Variants in EPB41L4A observed in about 807,000 individuals in gnomAD.
EPB41L4A encodes the protein erythrocyte membrane protein band 4.1 like 4A.
EPB41L4A carries 100 observed loss-of-function variants against 108.6 expected under a neutral mutation model. That is an observed-to-expected ratio of 0.92 (90% confidence interval 0.78 to 1.09). EPB41L4A has a LOEUF of 1.09. Ranked by LOEUF, EPB41L4A falls within the 50% of genes least tolerant of loss-of-function variation. EPB41L4A has a pLI of 0.00. For synonymous variants in EPB41L4A, 319 were observed against 289.0 expected (o/e 1.10, Z -1.05); for missense variants, 1,030 against 842.7 (o/e 1.22, Z -2.75).
intron 1 of EPB41L4A, among the ~76,000 whole-genome samples, chr5:112,349,694 G>A (rs1757916913): frequency 6.6e-6 from 1 of 152,210 alleles, no homozygotes; most frequent in Admixed American, 6.5e-5. Flanking sequence ...TGGGTGTGGT[G>A]AGAAAAAGAA....
At chr5:112,288,801 C>T (rs1407749130) in intron 2 of EPB41L4A, among the ~76,000 whole-genome samples, 1 of 151,350 alleles carries the variant, frequency 6.6e-6, no homozygotes, top group African/African-American at 2.4e-5. Flanking sequence ...GGAAAATGTT[C>T]GAAGAGTCTG....
intron 13 of EPB41L4A, among the ~76,000 whole-genome samples, chr5:112,145,418 C>G (rs913700016): frequency 6.6e-6 from 1 of 152,128 alleles, no homozygotes. Flanking sequence ...TAAATGAATG[C>G]TATTTGAGAT....
At chr5:112,178,315 C>A (rs1325062050) in intron 18 of EPB41L4A, among the ~76,000 whole-genome samples, 1 of 152,040 alleles carries the variant, frequency 6.6e-6, no homozygotes, top group African/African-American at 2.4e-5. Context: ...GAAGTAAAAA[C>A]TGACAGAATT....
intron 17 of EPB41L4A, among the ~76,000 whole-genome samples, chr5:112,191,635 G>A (rs1761703391): frequency 1.3e-5 from 2 of 151,398 alleles, no homozygotes; most frequent in Non-Finnish European, 2.9e-5. Context: ...TATTTCCATG[G>A]AGTGGCCTCA....
At chr5:112,241,962 A>C (rs935053365) in intron 9 of EPB41L4A, among the ~76,000 whole-genome samples, 4 of 152,240 alleles carry the variant, frequency 2.6e-5, no homozygotes, top group Admixed American at 2.6e-4. Flanking sequence ...ATAATTTAAA[A>C]ATACTTCATT....
chr5:112,338,268 C>T (rs1219060104), intron 1 of EPB41L4A, among the ~76,000 whole-genome samples: 1 of 152,136 alleles, frequency 6.6e-6, no homozygotes, highest in African/African-American at 2.4e-5. Context: ...GCTACCTTCC[C>T]ATAGCAGATC....
intron 2 of EPB41L4A, among the ~76,000 whole-genome samples, chr5:112,281,731 G>A (rs1416046626): frequency 6.6e-6 from 1 of 152,174 alleles, no homozygotes; most frequent in Non-Finnish European, 1.5e-5. Context: ...GCTATGTAAC[G>A]GTAGCAATAA....
chr5:112,359,068 C>G (rs1027075172), intron 1 of EPB41L4A, among the ~76,000 whole-genome samples: 1 of 152,170 alleles, frequency 6.6e-6, no homozygotes, highest in Non-Finnish European at 1.5e-5. Flanking sequence ...AAGGGAACTT[C>G]CTGGAGTACT....
intron 12 of EPB41L4A, among the ~76,000 whole-genome samples, chr5:112,225,680 C>T (rs1014870714): frequency 1.3e-5 from 2 of 152,174 alleles, no homozygotes; most frequent in Non-Finnish European, 2.9e-5. Context: ...GCATACTTTC[C>T]CACCCAATTT....
chr5:112,203,682 A>C (rs1762325370), intron 15 of EPB41L4A, among the ~76,000 whole-genome samples: 1 of 152,202 alleles, frequency 6.6e-6, no homozygotes, highest in Non-Finnish European at 1.5e-5. Flanking sequence ...TCAGCTAAAA[A>C]GGCTTATCTT....
chr5:112,155,752 T>G (rs748795762), intron 12 of EPB41L4A, among the ~76,000 whole-genome samples: 1 of 152,206 alleles, frequency 6.6e-6, no homozygotes, highest in Admixed American at 6.5e-5. Context: ...ACTATATTAT[T>G]TGGGGGCCAG....
chr5:112,249,772 C>A (rs535089106), intron 9 of EPB41L4A: 2 of 152,296 alleles, frequency 1.3e-5, no homozygotes, highest in East Asian at 3.9e-4. Flanking sequence ...TTTCTTACAA[C>A]ACTAAGGTCT....
chr5:112,194,431 T>G (rs1761859104), intron 17 of EPB41L4A, 137 bp downstream of exon 17: 1 of 544,136 alleles, frequency 1.8e-6, no homozygotes. Context: ...TTTCCTAAAC[T>G]AAGTGCTTCA....
chr5:112,262,458 G>C (rs991252304), intron 7 of EPB41L4A, 36 bp downstream of exon 7: 4 of 1,567,606 alleles, frequency 2.6e-6, no homozygotes, highest in Non-Finnish European at 3.5e-6. Context: ...AATGTCATCA[G>C]CTTAAAATAT....
intron 2 of EPB41L4A, among the ~76,000 whole-genome samples, chr5:112,285,756 C>T (rs1753239124): frequency 6.6e-6 from 1 of 152,156 alleles, no homozygotes; most frequent in Admixed American, 6.5e-5. Context: ...GACCCTGACA[C>T]CACTCTAAGG....
intron 3 of EPB41L4A, among the ~76,000 whole-genome samples, chr5:112,278,673 T>C (rs576050254): frequency 1.3e-5 from 2 of 152,270 alleles, no homozygotes; most frequent in East Asian, 3.9e-4. Flanking sequence ...AGGAACACTT[T>C]AATAATGCAC....
intron 12 of EPB41L4A, among the ~76,000 whole-genome samples, chr5:112,149,801 TAAC>T (rs2112799822): frequency 6.6e-6 from 1 of 152,214 alleles, no homozygotes; most frequent in African/African-American, 2.4e-5. Flanking sequence ...AAATAAAAAA[TAAC>T]AGGAATCCAA....
chr5:112,306,272 C>T (rs1159186829), intron 2 of EPB41L4A, among the ~76,000 whole-genome samples: 1 of 152,086 alleles, frequency 6.6e-6, no homozygotes, highest in African/African-American at 2.4e-5. Context: ...ATGGTCTGTA[C>T]AAGATAGAAT....
Position 112,328,047 on chromosome 5 carries a change from C to T in EPB41L4A, c.100-20557G>A, listed in dbSNP as rs1157748991. Reference sequence around the variant, plus strand: ...GGAGAAGGCCGGACACGGTGGCTCACGCTCGTAATCCCAGCACTTTGCGAG... The same window carrying T: ...GGAGAAGGCCGGACACGGTGGCTCATGCTCGTAATCCCAGCACTTTGCGAG... On this transcript the variant is annotated intron_variant, in intron 1 of 22. Transcript: ENST00000261486. Among the ~76,000 whole-genome samples the T allele has an allele frequency of 3.3e-5, 5 of 152,068 alleles. No homozygotes were observed. In the East Asian group the frequency reaches 9.6e-4, roughly 29 times the overall value.
Sources: gnomAD v4.1 joint callset for allele counts (sites outside exome capture counted in the v4.1 genomes callset) on GRCh38, gnomAD v4.1.1 for gene constraint, MANE v1.5 for transcripts, NCBI Gene and HGNC (gene_info 2026-07-23, HGNC 2026-07-21) for gene names.